HTR4: variants seen among roughly 807,000 people sequenced by gnomAD.
The protein encoded by HTR4 is 5-hydroxytryptamine receptor 4.
A neutral mutation model predicts 36.8 loss-of-function variants in HTR4; 16 were observed. That is an observed-to-expected ratio of 0.43 (90% confidence interval 0.29 to 0.66). The LOEUF is 0.66. Ranked by LOEUF, HTR4 falls within the 30% of genes least tolerant of loss-of-function variation. The pLI, the probability that HTR4 is intolerant of heterozygous loss-of-function variation, is 0.13. For missense variants in HTR4, 438 were observed against 490.9 expected, an observed-to-expected ratio of 0.89 and a Z score of 1.02; for synonymous variants, 189 against 185.1, an observed-to-expected ratio of 1.02 and a Z score of -0.17.
intron 5 of HTR4, among the ~76,000 whole-genome samples, chr5:148,519,632 C>T (rs574609467): frequency 1.3e-5 from 2 of 152,272 alleles, no homozygotes; most frequent in South Asian, 4.1e-4. Flanking sequence ...ACTTGAGTTG[C>T]TTTCACAGTG....
chr5:148,631,203 C>T (rs1753309105), intron 2 of HTR4, among the ~76,000 whole-genome samples: 1 of 152,130 alleles, frequency 6.6e-6, no homozygotes, highest in Non-Finnish European at 1.5e-5. Context: ...TCACTGTATT[C>T]CTGATCTAAT....
At chr5:148,452,705 C>T (rs976883876) in intron 5 of HTR4, among the ~76,000 whole-genome samples, 1 of 152,196 alleles carries the variant, frequency 6.6e-6, no homozygotes, top group African/African-American at 2.4e-5. Flanking sequence ...GAACCGTCCA[C>T]CGCAGCTGTT....
intron 5 of HTR4, among the ~76,000 whole-genome samples, chr5:148,522,964 A>G (rs1758091666): frequency 6.6e-6 from 1 of 152,184 alleles, no homozygotes; most frequent in Admixed American, 6.5e-5. Context: ...TAGAAGTCCA[A>G]AAGTCAAGAC....
intron 2 of HTR4, among the ~76,000 whole-genome samples, chr5:148,577,606 G>A (rs1261120330): frequency 6.6e-6 from 1 of 152,062 alleles, no homozygotes; most frequent in Non-Finnish European, 1.5e-5. Flanking sequence ...AGAAAATGTG[G>A]TACATATACA....
At chr5:148,574,386 G>A (rs911587335) in intron 2 of HTR4, among the ~76,000 whole-genome samples, 3 of 144,968 alleles carry the variant, frequency 2.1e-5, no homozygotes, top group South Asian at 2.2e-4. Context: ...TAAGGCTCTC[G>A]CGCGCTCTCT....
intron 5 of HTR4, among the ~76,000 whole-genome samples, chr5:148,470,328 A>G (rs1712078976): frequency 6.6e-6 from 1 of 152,178 alleles, no homozygotes; most frequent in African/African-American, 2.4e-5. Context: ...TCTCTACTTG[A>G]CATATGAGGA....
intron 2 of HTR4, among the ~76,000 whole-genome samples, chr5:148,606,708 A>C (rs1025817633): frequency 6.6e-6 from 1 of 152,216 alleles, no homozygotes; most frequent in Admixed American, 6.5e-5. Flanking sequence ...AGTTATTTTA[A>C]ATTTTATTTA....
intron 2 of HTR4, among the ~76,000 whole-genome samples, chr5:148,592,368 T>G (rs1359273500): frequency 6.6e-6 from 1 of 152,080 alleles, no homozygotes. Flanking sequence ...AAACTTCACA[T>G]GTACCCCTGA....
At chr5:148,504,018 G>A (rs980030049) in intron 6 of HTR4, among the ~76,000 whole-genome samples, 1 of 152,154 alleles carries the variant, frequency 6.6e-6, no homozygotes, top group African/African-American at 2.4e-5. Flanking sequence ...CCTACAAAGA[G>A]ACTTAGATTC....
intron 2 of HTR4, among the ~76,000 whole-genome samples, chr5:148,627,390 C>A (rs17777630): frequency 6.6e-6 from 1 of 151,914 alleles, no homozygotes; most frequent in Non-Finnish European, 1.5e-5. Flanking sequence ...TTTCCACATA[C>A]GCTTTTTCTG....
intron 2 of HTR4, among the ~76,000 whole-genome samples, chr5:148,631,025 T>C (rs1048161644): frequency 6.6e-6 from 1 of 152,196 alleles, no homozygotes; most frequent in Non-Finnish European, 1.5e-5. Context: ...AGAAGATTAC[T>C]AGCTTAATTC....
chr5:148,621,798 T>C (rs866362618), intron 2 of HTR4, among the ~76,000 whole-genome samples: 1 of 152,190 alleles, frequency 6.6e-6, no homozygotes, highest in Admixed American at 6.5e-5. Context: ...TTTTCATTTA[T>C]CCTTTTCAAA....
At chr5:148,454,417 T>G (rs551845137) in intron 5 of HTR4, among the ~76,000 whole-genome samples, 167 of 152,336 alleles carry the variant, frequency 1.1e-3, no homozygotes, top group African/African-American at 3.9e-3. Flanking sequence ...TTTGGCAAGT[T>G]ATTTAATCTC....
downstream of HTR4, among the ~76,000 whole-genome samples, chr5:148,473,844 T>C (rs1019514860): frequency 2.6e-5 from 4 of 152,118 alleles, no homozygotes; most frequent in African/African-American, 9.7e-5. Context: ...ATGTCTTTTT[T>C]TTCCCATTAT....
intron 4 of HTR4, 59 bp downstream of exon 4, chr5:148,548,609 T>C (rs575527375): frequency 3.7e-6 from 5 of 1,333,592 alleles, no homozygotes; most frequent in Non-Finnish European, 5.3e-6. Context: ...CACTGCCCAA[T>C]ATCCATCAAG....
chr5:148,460,312 A>T (rs1300604765), intron 5 of HTR4, among the ~76,000 whole-genome samples: 1 of 152,186 alleles, frequency 6.6e-6, no homozygotes, highest in Non-Finnish European at 1.5e-5. Flanking sequence ...AATACCAAGC[A>T]GGATAAATGC....
At chr5:148,527,336 AATGTATGGTTAT>A (rs1758330773) in intron 4 of HTR4, among the ~76,000 whole-genome samples, 1 of 152,174 alleles carries the variant, frequency 6.6e-6, no homozygotes, top group African/African-American at 2.4e-5. Context: ...AGGGCTTTAG[AATGTATGGTTAT>A]ATTGGTGCTC....
intron 6 of HTR4, among the ~76,000 whole-genome samples, chr5:148,485,507 GT>G (rs1756107520): frequency 6.6e-6 from 1 of 152,196 alleles, no homozygotes; most frequent in Non-Finnish European, 1.5e-5. Flanking sequence ...AGGGGTGCAT[GT>G]TATAAATGTT....
At chr5:148,632,246 T>C (rs1753349316) in intron 2 of HTR4, among the ~76,000 whole-genome samples, 1 of 152,158 alleles carries the variant, frequency 6.6e-6, no homozygotes, top group African/African-American at 2.4e-5. Context: ...TCTACACTTA[T>C]TAGTGGTGAT....
Sources: gnomAD v4.1 joint callset for allele counts (sites outside exome capture counted in the v4.1 genomes callset) on GRCh38, gnomAD v4.1.1 for gene constraint, MANE v1.5 for transcripts, NCBI Gene and HGNC (gene_info 2026-07-23, HGNC 2026-07-21) for gene names.